Variants in NEB observed in about 807,000 individuals in gnomAD.
NEB encodes the protein nemaline myopathy type 2.
NEB carries 512 observed loss-of-function variants against 952.2 expected under a neutral mutation model. The observed-to-expected ratio is 0.54, with a 90% CI of 0.50 to 0.58. The LOEUF (loss-of-function observed/expected upper bound fraction) is 0.58, where lower values mean the gene tolerates loss of function less well. Ranked by LOEUF, NEB falls within the 20% of genes least tolerant of loss-of-function variation. The probability of loss-of-function intolerance (pLI) is 0.00; values close to 1 mark genes in which losing one functional copy is unlikely to be tolerated. For missense variants in NEB, 8,428 were observed against 9,231.1 expected, an observed-to-expected ratio of 0.91 and a Z score of 3.56; for synonymous variants, 2,900 against 3,149.8, an observed-to-expected ratio of 0.92 and a Z score of 2.66.
chr2:151,559,441 G>T (rs2095875770), intron 124 of NEB, among the ~76,000 whole-genome samples: 2 of 152,146 alleles, frequency 1.3e-5, no homozygotes, highest in South Asian at 4.1e-4. Flanking sequence ...CCATTACTGG[G>T]TATATACCCA....
chr2:151,727,567 A>G, intron 5 of NEB, 124 bp downstream of exon 5: 1 of 915,868 alleles, frequency 1.1e-6, no homozygotes, highest in South Asian at 1.9e-5. Flanking sequence ...TATAATTTGC[A>G]AAATAAGTTT....
chr2:151,551,641 A>T, intron 129 of NEB, 97 bp downstream of exon 129: 1 of 889,334 alleles, frequency 1.1e-6, no homozygotes, highest in Non-Finnish European at 1.8e-6. Context: ...AACAGCATTT[A>T]TACAAGGTCA....
At chr2:151,506,338 G>A (rs975015081) in intron 163 of NEB, 80 bp from the exon 164 acceptor site, 1 of 1,062,986 alleles carries the variant, frequency 9.4e-7, no homozygotes, top group Non-Finnish European at 1.4e-6. Flanking sequence ...TAGGACACAT[G>A]GCTTTTGTGA....
intron 57 of NEB, 132 bp from the exon 58 acceptor site, chr2:151,643,485 T>C: frequency 1.2e-6 from 1 of 844,922 alleles, no homozygotes; most frequent in South Asian, 2.5e-5. Flanking sequence ...CTTGAATTAT[T>C]AGAAAATTCT....
At chr2:151,577,458 G>C (rs992406594) in intron 105 of NEB, among the ~76,000 whole-genome samples, 1 of 152,080 alleles carries the variant, frequency 6.6e-6, no homozygotes, top group Non-Finnish European at 1.5e-5. Context: ...TGCCTTCTCA[G>C]AAGAACTTTC....
At chr2:151,721,042 C>T (rs967767716) in intron 9 of NEB, among the ~76,000 whole-genome samples, 2 of 152,202 alleles carry the variant, frequency 1.3e-5, no homozygotes, top group Non-Finnish European at 2.9e-5. Flanking sequence ...CACCAGTCTA[C>T]AGTCAGAAGC....
In NEB at chr2:151,615,902, A is replaced by G. The variant is rs2098178059; in HGVS notation, c.11289+100T>C. ...GGGAAAATCACTAAAGGGAATTGAG[A>G]CTTATAGGGGTAACTAAATTTCTAG... On this transcript the variant is annotated intron_variant, in intron 76 of 181. Coordinates refer to ENST00000397345, the MANE Select transcript of NEB (RefSeq NM_001164508.2). 6.9e-6 allele frequency: 6 copies of G among 865,362 alleles called. No homozygotes were observed. In the Admixed American group the frequency reaches 1.1e-4, roughly 16 times the overall value. The allele number at this position is 865,362 out of a possible 1,614,324, so 53.6% of individuals were successfully genotyped here.
At chr2:151,622,806 A>G (rs1041345675) in intron 71 of NEB, among the ~76,000 whole-genome samples, 7 of 152,212 alleles carry the variant, frequency 4.6e-5, no homozygotes, top group African/African-American at 1.7e-4. Context: ...GAATATTCAA[A>G]TTTCATCAAA....
chr2:151,533,624 C>A, intron 142 of NEB, 78 bp from the exon 143 acceptor site: 1 of 900,980 alleles, frequency 1.1e-6, no homozygotes. Context: ...TCCCAATCAC[C>A]TCTGAGTGAA....
intron 13 of NEB, among the ~76,000 whole-genome samples, chr2:151,699,841 T>C (rs1346955436): frequency 1.3e-5 from 2 of 151,674 alleles, no homozygotes; most frequent in Non-Finnish European, 3.0e-5. Context: ...GTAGTTTCTC[T>C]TGCTGTGCAG....
intron 105 of NEB, among the ~76,000 whole-genome samples, chr2:151,576,767 T>G (rs1426273135): frequency 6.6e-6 from 1 of 151,772 alleles, no homozygotes; most frequent in African/African-American, 2.4e-5. Flanking sequence ...ACCCCTGACC[T>G]CAGGTGATCC....
At chr2:151,618,018 C>T (rs2098262162) in intron 74 of NEB, among the ~76,000 whole-genome samples, 2 of 152,230 alleles carry the variant, frequency 1.3e-5, no homozygotes, top group Admixed American at 1.3e-4. Flanking sequence ...CAAGATCGTG[C>T]CATTGCACTC....
chr2:151,701,287 T>C (rs2099664892), intron 13 of NEB, among the ~76,000 whole-genome samples: 2 of 151,750 alleles, frequency 1.3e-5, no homozygotes, highest in East Asian at 1.9e-4. Context: ...TTGAGGATTT[T>C]TGCATCAATA....
intron 71 of NEB, among the ~76,000 whole-genome samples, chr2:151,622,083 C>A (rs1229346952): frequency 2.0e-5 from 3 of 152,152 alleles, no homozygotes; most frequent in Non-Finnish European, 4.4e-5. Context: ...AATCTCGGCT[C>A]ACTGCCTCCC....
At chr2:151,709,812 C>T (rs572716576) in intron 11 of NEB, 49 bp from the exon 12 acceptor site, 1 of 1,358,028 alleles carries the variant, frequency 7.4e-7, no homozygotes, top group East Asian at 2.4e-5. Context: ...ATGAACTATG[C>T]AAGAATTTCC....
intron 71 of NEB, among the ~76,000 whole-genome samples, chr2:151,623,346 T>C (rs2098454268): frequency 6.6e-6 from 1 of 152,180 alleles, no homozygotes; most frequent in South Asian, 2.1e-4. Flanking sequence ...TATAAAGCTT[T>C]ATCATCCCTC....
In NEB at chr2:151,727,690, C is replaced by T. The variant is rs759956258; in HGVS notation, c.294+1G>A. 3 of 1,609,700 alleles carry T rather than the reference C, an allele frequency of 1.9e-6. No homozygotes were observed. The highest frequency in any genetic ancestry group is 2.5e-6 in the Non-Finnish European group (3 of 1,176,496). ...GTTAGCAGAAGTTGTTTGAAACTTA[C>T]TGGGCTAAAAAGATCCTGCATTTTC... On this transcript the variant is annotated splice_donor_variant, in intron 5 of 181. Coordinates refer to ENST00000397345, the MANE Select transcript of NEB (RefSeq NM_001164508.2). LOFTEE classifies it high-confidence loss of function.
chr2:151,673,165 A>T (rs2099321069), intron 36 of NEB, among the ~76,000 whole-genome samples: 1 of 152,220 alleles, frequency 6.6e-6, no homozygotes, highest in African/African-American at 2.4e-5. Flanking sequence ...CACAGTAAGG[A>T]CCTGCTGTGG....
Position 151,733,205 on chromosome 2 carries a change from A to C in NEB, c.-29-20T>G. The C allele has an allele frequency of 6.7e-7, 1 of 1,498,986 alleles. No homozygotes were observed. Among genetic ancestry groups the C allele is most frequent in the Non-Finnish European group, 9.2e-7 (1 of 1,092,536 alleles). 92.9% of individuals were successfully genotyped at this position (1,498,986 alleles called of 1,614,324 possible). ...TACAAACTTTTCATATTCCATACAA[A>C]TGAAAACATATTAGAGTCTATTCCC... On this transcript the variant is annotated intron_variant, in intron 2 of 181. Coordinates refer to ENST00000397345, the MANE Select transcript of NEB (RefSeq NM_001164508.2).
Sources: allele counts gnomAD v4.1 joint callset (sites outside exome capture counted in the v4.1 genomes callset), GRCh38; gene constraint gnomAD v4.1.1; transcripts MANE v1.5; gene names NCBI Gene and HGNC (gene_info 2026-07-23, HGNC 2026-07-21).